RSRC1: variants seen among roughly 807,000 people sequenced by gnomAD.
RSRC1 encodes arginine and serine rich coiled-coil 1, also known as serine/Arginine-related protein 53.
RSRC1 carries 39 observed loss-of-function variants against 49.1 expected under a neutral mutation model. The observed-to-expected ratio is 0.79, with a 90% confidence interval of 0.61 to 1.04. The LOEUF is 1.04. RSRC1 is among the 50% of genes least tolerant of loss of function. The pLI, the probability that RSRC1 is intolerant of heterozygous loss-of-function variation, is 0.00. For synonymous variants in RSRC1, 143 were observed against 130.8 expected, an observed-to-expected ratio of 1.09 and a Z score of -0.63; for missense variants, 388 against 402.4, an observed-to-expected ratio of 0.96 and a Z score of 0.31.
intron 6 of RSRC1, among the ~76,000 whole-genome samples, chr3:158,393,579 T>A (rs73170373): frequency 0.22 from 33,050 of 151,420 alleles, 4,205 homozygotes; most frequent in Non-Finnish European, 0.29. Flanking sequence ...ACTGATAAAT[T>A]CCTGGAAACA....
intron 3 of RSRC1, among the ~76,000 whole-genome samples, chr3:158,167,504 C>G (rs1718607247): frequency 6.6e-6 from 1 of 152,138 alleles, no homozygotes; most frequent in Non-Finnish European, 1.5e-5. Context: ...TTTTCTAAAT[C>G]TAGCTTTAGG....
intron 7 of RSRC1, among the ~76,000 whole-genome samples, chr3:158,534,546 A>G (rs957958137): frequency 6.6e-6 from 1 of 151,588 alleles, no homozygotes; most frequent in Non-Finnish European, 1.5e-5. Flanking sequence ...GAATTTAAAC[A>G]GCAAGGGTGT....
chr3:158,182,278 T>G (rs1337587488), intron 3 of RSRC1, among the ~76,000 whole-genome samples: 1 of 152,164 alleles, frequency 6.6e-6, no homozygotes, highest in East Asian at 1.9e-4. Flanking sequence ...CTTCTAAATT[T>G]TTCAAGTTAA....
chr3:158,203,284 A>G, intron 4 of RSRC1, 39 bp downstream of exon 4: 1 of 1,528,586 alleles, frequency 6.5e-7, no homozygotes, highest in Non-Finnish European at 8.8e-7. Flanking sequence ...GGACTTGGTG[A>G]TTCCATGGCG....
chr3:158,263,859 G>A (rs1725027627), intron 4 of RSRC1, among the ~76,000 whole-genome samples: 1 of 151,880 alleles, frequency 6.6e-6, no homozygotes, highest in Non-Finnish European at 1.5e-5. Context: ...TATCCTTTTA[G>A]CGTCTGTAGA....
intron 5 of RSRC1, among the ~76,000 whole-genome samples, 160 bp from the exon 6 acceptor site, chr3:158,354,697 A>C (rs1040001026): frequency 6.6e-6 from 1 of 152,234 alleles, no homozygotes; most frequent in Non-Finnish European, 1.5e-5. Context: ...CTTGCATCAT[A>C]TATGCAAGTG....
intron 5 of RSRC1, among the ~76,000 whole-genome samples, chr3:158,328,303 A>C (rs1433980598): frequency 6.6e-6 from 1 of 152,170 alleles, no homozygotes; most frequent in Non-Finnish European, 1.5e-5. Flanking sequence ...TTTGCTGATT[A>C]GTTGATGCAG....
intron 6 of RSRC1, among the ~76,000 whole-genome samples, chr3:158,446,284 G>GTT (rs11448005): frequency 5.9e-5 from 9 of 151,308 alleles, no homozygotes; most frequent in South Asian, 4.2e-4. Flanking sequence ...TTGTTGCAAG[G>GTT]TTTTTTTTGT....
intron 4 of RSRC1, among the ~76,000 whole-genome samples, chr3:158,261,298 A>G (rs1048778073): frequency 2.6e-5 from 4 of 152,198 alleles, no homozygotes; most frequent in Non-Finnish European, 5.9e-5. Flanking sequence ...TTAATTTTAG[A>G]CATTCTAATA....
chr3:158,442,794 C>G (rs1736455237), intron 6 of RSRC1, among the ~76,000 whole-genome samples: 1 of 151,864 alleles, frequency 6.6e-6, no homozygotes, highest in South Asian at 2.1e-4. Flanking sequence ...GCTATAGCTG[C>G]CATAGCCCTA....
chr3:158,300,418 G>A (rs1016139330), intron 5 of RSRC1, among the ~76,000 whole-genome samples: 1 of 152,124 alleles, frequency 6.6e-6, no homozygotes, highest in Non-Finnish European at 1.5e-5. Context: ...GTGATATTAT[G>A]AAGAATATCT....
intron 6 of RSRC1, among the ~76,000 whole-genome samples, chr3:158,359,268 C>G (rs1047787981): frequency 6.6e-6 from 1 of 152,182 alleles, no homozygotes; most frequent in African/African-American, 2.4e-5. Flanking sequence ...TTGGGGGCTT[C>G]TCTTTACCAT....
intron 6 of RSRC1, among the ~76,000 whole-genome samples, chr3:158,453,872 A>G (rs541854873): frequency 3.3e-5 from 5 of 152,092 alleles, no homozygotes; most frequent in Admixed American, 1.3e-4. Context: ...ATTTCTTATG[A>G]ATTTTATTAC....
intron 4 of RSRC1, among the ~76,000 whole-genome samples, chr3:158,256,321 T>C (rs1224913506): frequency 6.6e-6 from 1 of 152,180 alleles, no homozygotes; most frequent in Non-Finnish European, 1.5e-5. Flanking sequence ...GAGATAATAA[T>C]GTGGTTTTTG....
At chr3:158,118,773 T>A (rs1320311283) in intron 1 of RSRC1, among the ~76,000 whole-genome samples, 1 of 152,248 alleles carries the variant, frequency 6.6e-6, no homozygotes. Flanking sequence ...TAAATACAGT[T>A]GTAACCTGTA....
intron 4 of RSRC1, among the ~76,000 whole-genome samples, chr3:158,234,130 G>A (rs1450264884): frequency 2.6e-5 from 4 of 152,142 alleles, no homozygotes; most frequent in Non-Finnish European, 2.9e-5. Flanking sequence ...AAATAAGGTT[G>A]TCATATTGAT....
chr3:158,309,878 TTA>T (rs1728035685), intron 5 of RSRC1, among the ~76,000 whole-genome samples: 1 of 151,706 alleles, frequency 6.6e-6, no homozygotes, highest in Admixed American at 6.6e-5. Context: ...TTCATGTAGA[TTA>T]TATCTTTGGT....
chr3:158,342,166 G>A (rs1019239938), intron 5 of RSRC1, among the ~76,000 whole-genome samples: 4 of 152,064 alleles, frequency 2.6e-5, no homozygotes, highest in Admixed American at 2.6e-4. Flanking sequence ...ATGCTGAAAC[G>A]AGTTAAGCCT....
At chr3:158,305,657 G>T (rs1415769990) in intron 5 of RSRC1, among the ~76,000 whole-genome samples, 2 of 151,992 alleles carry the variant, frequency 1.3e-5, no homozygotes, top group Non-Finnish European at 2.9e-5. Flanking sequence ...CTCCAATCAA[G>T]GTATTAGGAG....
Sources: allele counts gnomAD v4.1 joint callset (sites outside exome capture counted in the v4.1 genomes callset), GRCh38; gene constraint gnomAD v4.1.1; transcripts MANE v1.5; gene names NCBI Gene and HGNC (gene_info 2026-07-23, HGNC 2026-07-21).